Variants in ITIH5 observed in about 807,000 individuals in gnomAD.
ITIH5 encodes the protein inter-alpha-trypsin inhibitor heavy chain H5.
A neutral mutation model predicts 77.5 loss-of-function variants in ITIH5; 65 were observed. The ratio of observed to expected loss-of-function variants is 0.84; its 90% CI spans 0.69 to 1.03. The LOEUF is 1.03. ITIH5 is among the 50% of genes least tolerant of loss of function. ITIH5 has a pLI of 0.00. For missense variants in ITIH5, 1,208 were observed against 1,213.1 expected, an observed-to-expected ratio of 1.00 and a Z score of 0.06; for synonymous variants, 525 against 494.3, an observed-to-expected ratio of 1.06 and a Z score of -0.82.
rs765571107 is a variant in ITIH5 at position 7,563,129 on chromosome 10, A to G, written c.2783T>C (p.Phe928Ser). 1.2e-6 allele frequency: 2 copies of G among 1,613,996 alleles called. No individual in the cohort carries two copies. Among genetic ancestry groups the G allele is most frequent in the East Asian group, 4.5e-5 (2 of 44,878 alleles). The change falls in exon 14 of 14, where the codon TTT (phenylalanine) becomes TCT (serine). Residue 928 changes from phenylalanine to serine, a missense_variant. By Grantham distance (155) the Phe-to-Ser change is radical. Transcript: ENST00000397146. ...EYKDYLASHPFDTGMTLGRGM... is the reference protein window; with the variant it reads ...EYKDYLASHPSDTGMTLGRGM... The stretch of plus-strand genomic sequence containing the variant: ...CCGGCCAAGTGTCATCCCTGTGTCA[A>G]ATGGATGGGATGCCAGGTAATCCTT...
At chr10:7,657,206 G>A (rs1361714563) in intron 1 of ITIH5, among the ~76,000 whole-genome samples, 5 of 150,814 alleles carry the variant, frequency 3.3e-5, no homozygotes, top group African/African-American at 9.8e-5. Context: ...CACCACGCCC[G>A]GCTAATTTTA....
intron 5 of ITIH5, among the ~76,000 whole-genome samples, chr10:7,623,250 A>G (rs1344580529): frequency 6.6e-6 from 1 of 152,186 alleles, no homozygotes; most frequent in East Asian, 1.9e-4. Context: ...GTGCATTGAC[A>G]AAAGGATTTC....
At chr10:7,602,903 T>A (rs1833043967) in intron 7 of ITIH5, among the ~76,000 whole-genome samples, 1 of 152,156 alleles carries the variant, frequency 6.6e-6, no homozygotes, top group Admixed American at 6.5e-5. Flanking sequence ...TGGCTCAAGT[T>A]CCTTCTTGTG....
Position 7,576,674 on chromosome 10 carries a change from A to G in ITIH5, c.1757T>C (p.Leu586Pro). 6.2e-7 allele frequency: 1 copy of G among 1,614,036 alleles called. No individual in the cohort carries two copies. The highest frequency in any genetic ancestry group is 1.3e-5 in the African/African-American group (1 of 75,034). ...LWSYLTTKEL[L>P]SSWLQSDDEP... ...ATCGTCACTTTGCAGCCAGGAGCTC[A>G]GCAGCTCCTTTGTGGTGAGGTAGCT... The change falls in exon 10 of 14, where the codon CTG (leucine) becomes CCG (proline). Residue 586 changes from leucine to proline, a missense_variant. Leu to Pro is a moderately conservative substitution (Grantham distance 98). Transcript: ENST00000397146.
At position 7,576,801 on chromosome 10, in the gene ITIH5, C is replaced by T. The variant is rs1475940106; in HGVS notation, c.1630G>A (p.Asp544Asn). The T allele has an allele frequency of 1.2e-6, 2 of 1,614,226 alleles. No homozygotes were observed. Among genetic ancestry groups the T allele is most frequent in the East Asian group, 2.2e-5 (1 of 44,870 alleles). Reference protein sequence around the residue: ...NSKKFIILKTDVPVRPQKAGK... With the variant: ...NSKKFIILKTNVPVRPQKAGK... ...GCCTTCTGAGGCCGCACAGGCACAT[C>T]TGTCTTCAGGATGATGAATTTCTTA... The change falls in exon 10 of 14, where the codon GAT (aspartate) becomes AAT (asparagine). Residue 544 changes from aspartate to asparagine, a missense_variant. By Grantham distance (23) the Asp-to-Asn change is conservative. Coordinates refer to ENST00000397146, the MANE Select transcript of ITIH5 (RefSeq NM_030569.7).
chr10:7,594,596 G>A (rs1470657200), intron 7 of ITIH5, among the ~76,000 whole-genome samples: 1 of 148,820 alleles, frequency 6.7e-6, no homozygotes, highest in East Asian at 1.9e-4. Flanking sequence ...ATACAATCAG[G>A]GTACAGGCCT....
intron 5 of ITIH5, among the ~76,000 whole-genome samples, chr10:7,629,152 C>T (rs1833656665): frequency 7.3e-6 from 1 of 136,822 alleles, no homozygotes; most frequent in South Asian, 2.6e-4. Context: ...CGTGTTGTGG[C>T]ATGCATCCAT....
At chr10:7,570,080 GAGAAGGAA>G in intron 11 of ITIH5, 1 of 215,740 alleles carries the variant, frequency 4.6e-6, no homozygotes, top group Admixed American at 5.6e-5. Flanking sequence ...GAGGTGAGAG[GAGAAGGAA>G]AGAGAGATCC....
chr10:7,612,667 T>C (rs1025762307), intron 7 of ITIH5, among the ~76,000 whole-genome samples: 1 of 151,998 alleles, frequency 6.6e-6, no homozygotes, highest in Non-Finnish European at 1.5e-5. Flanking sequence ...TGTTTTTTTT[T>C]TTTTTTTAGA....
intron 7 of ITIH5, among the ~76,000 whole-genome samples, chr10:7,588,753 C>T (rs11255215): frequency 0.3 from 45,670 of 152,186 alleles, 7,412 homozygotes; most frequent in East Asian, 0.49. Flanking sequence ...TTGCATTTCC[C>T]GGGAGCTTCC....
At chr10:7,580,085 A>G in intron 8 of ITIH5, 21 bp from the exon 9 acceptor site, 1 of 1,561,808 alleles carries the variant, frequency 6.4e-7, no homozygotes, top group Non-Finnish European at 8.6e-7. Context: ...CCAACACGGA[A>G]CAGCTCAAGC....
intron 12 of ITIH5, among the ~76,000 whole-genome samples, chr10:7,567,990 G>A (rs1486264752): frequency 6.6e-6 from 1 of 152,236 alleles, no homozygotes; most frequent in Admixed American, 6.5e-5. Context: ...GTTGTAAACT[G>A]CTATGAAATA....
chr10:7,564,498 T>C (rs1049016997), intron 13 of ITIH5, among the ~76,000 whole-genome samples: 2 of 152,134 alleles, frequency 1.3e-5, no homozygotes, highest in Admixed American at 6.5e-5. Flanking sequence ...AACAAATACT[T>C]ATCATCGTGT....
intron 7 of ITIH5, among the ~76,000 whole-genome samples, chr10:7,591,707 C>G (rs1160588340): frequency 6.6e-6 from 1 of 152,160 alleles, no homozygotes; most frequent in Non-Finnish European, 1.5e-5. Context: ...GAGCCCTTCC[C>G]TGCCTCCCAG....
intron 1 of ITIH5, among the ~76,000 whole-genome samples, chr10:7,658,521 C>T (rs1834224415): frequency 6.6e-6 from 1 of 152,158 alleles, no homozygotes; most frequent in African/African-American, 2.4e-5. Flanking sequence ...CATGACACAG[C>T]CCTCAGAAGA....
At chr10:7,624,654 C>T (rs1377894023) in intron 5 of ITIH5, among the ~76,000 whole-genome samples, 6 of 149,664 alleles carry the variant, frequency 4.0e-5, no homozygotes, top group African/African-American at 1.2e-4. Flanking sequence ...CCTGTCTCTA[C>T]TAAAAATACA....
chr10:7,606,177 T>C (rs1405627865), intron 7 of ITIH5, among the ~76,000 whole-genome samples: 1 of 152,208 alleles, frequency 6.6e-6, no homozygotes, highest in Non-Finnish European at 1.5e-5. Flanking sequence ...CTTCAGTCAC[T>C]GTGGACAGCA....
In ITIH5 at chr10:7,562,907, C is replaced by CT. The variant is rs201369624; in HGVS notation, c.*175dup. ...ACATTTGCACTCAGGCTTCCCGCCC[C>CT]TACCCACCCCTACCCTTCGCCCAGA... On this transcript the variant is annotated 3_prime_UTR_variant, in exon 14 of 14. Transcript: ENST00000397146. The CT allele has an allele frequency of 4.5e-3, 2,333 of 523,822 alleles. 56 individuals carry two copies. Among genetic ancestry groups the CT allele is most frequent in the African/African-American group, 0.042 (2,168 of 51,876 alleles). 32.4% of individuals were successfully genotyped at this position (523,822 alleles called of 1,614,324 possible). A position where few individuals can be genotyped will look rare whatever the true frequency, so the allele number is the denominator to read the frequency against.
At position 7,609,585 on chromosome 10, in the gene ITIH5, A is replaced by G. The variant is rs143170925; in HGVS notation, c.939+6397T>C. On this transcript the variant is annotated intron_variant, in intron 7 of 13. Coordinates refer to ENST00000397146, the MANE Select transcript of ITIH5 (RefSeq NM_030569.7). ...TTAATTCACGTTTGCCCTCATTTTA[A>G]CTTGACTAATTCACGTTTGCCCTCA... 687 of 414,966 alleles carry G rather than the reference A, an allele frequency of 1.7e-3. 4 individuals are homozygous for G. Among genetic ancestry groups the G allele is most frequent in the Admixed American group, 3.4e-3 (115 of 33,636 alleles). 25.7% of individuals were successfully genotyped at this position (414,966 alleles called of 1,614,324 possible). A position where few individuals can be genotyped will look rare whatever the true frequency, so the allele number is the denominator to read the frequency against.
Sources: allele counts gnomAD v4.1 joint callset (sites outside exome capture counted in the v4.1 genomes callset), GRCh38; gene constraint gnomAD v4.1.1; transcripts MANE v1.5; gene names NCBI Gene and HGNC (gene_info 2026-07-23, HGNC 2026-07-21).